BEND2: variants seen among roughly 807,000 people sequenced by gnomAD.
The protein encoded by BEND2 is BEN domain containing 2.
BEND2 carries 19 observed loss-of-function variants against 43.8 expected under a neutral mutation model. The ratio of observed to expected loss-of-function variants is 0.43; its 90% CI spans 0.30 to 0.64. BEND2 has a LOEUF of 0.64. Among genes scored for constraint, BEND2 ranks in the 30% least tolerant of loss-of-function variants. The pLI is 0.11. For synonymous variants in BEND2, 226 were observed against 210.1 expected (o/e 1.08, Z -0.66); for missense variants, 544 against 574.0 (o/e 0.95, Z 0.53).
At chrX:18,166,534 A>C (rs2147385616) in intron 13 of BEND2, among the ~76,000 whole-genome samples, 1 of 111,342 alleles carries the variant, frequency 9.0e-6, no homozygotes, top group Non-Finnish European at 1.9e-5. Flanking sequence ...CGCATAAATG[A>C]GGGAGGTGGC....
At chrX:18,171,596 G>A (rs1445814323) in intron 12 of BEND2, among the ~76,000 whole-genome samples, 1 of 111,218 alleles carries the variant, frequency 9.0e-6, no homozygotes, top group Non-Finnish European at 1.9e-5. Context: ...CTCCTGCCTC[G>A]GCCTCCCAAA....
intron 1 of BEND2, among the ~76,000 whole-genome samples, chrX:18,217,861 G>T: frequency 9.1e-6 from 1 of 110,388 alleles, no homozygotes; most frequent in East Asian, 2.8e-4. Flanking sequence ...GGGGCAGATC[G>T]CTTGAGCTCA....
intron 13 of BEND2, among the ~76,000 whole-genome samples, chrX:18,166,045 C>T (rs1026924029): frequency 8.9e-6 from 1 of 112,217 alleles, no homozygotes; most frequent in Non-Finnish European, 1.9e-5. Context: ...GGTTAAAAGG[C>T]TTCCGTACCC....
chrX:18,191,561 A>C (rs1322858343), intron 7 of BEND2, among the ~76,000 whole-genome samples: 1 of 112,377 alleles, frequency 8.9e-6, no homozygotes, highest in Non-Finnish European at 1.9e-5. Context: ...CACAAAGCCT[A>C]TATGGTATAT....
intron 4 of BEND2, among the ~76,000 whole-genome samples, chrX:18,211,742 C>T (rs1925509011): frequency 9.2e-6 from 1 of 109,149 alleles, no homozygotes; most frequent in Admixed American, 9.8e-5. Flanking sequence ...GAGATCGTGC[C>T]ATTGCACTCC....
chrX:18,193,404 T>A (rs1367141319), intron 7 of BEND2, among the ~76,000 whole-genome samples: 1 of 111,357 alleles, frequency 9.0e-6, no homozygotes, highest in African/African-American at 3.3e-5. Context: ...GAAATGTGTA[T>A]CTTGGTCATG....
rs1267058931 is a variant in BEND2 at position 18,180,368 on chromosome X, T to C, written c.1429+142A>G. The C allele has an allele frequency of 7.6e-6, 7 of 926,910 alleles. No individual in the cohort carries two copies. In the African/African-American group the frequency reaches 1.4e-4, roughly 18 times the overall value. The allele number at this position is 926,910 out of a possible 1,213,427, so 76.4% of individuals were successfully genotyped here. On this transcript the variant is annotated intron_variant, in intron 9 of 13. Coordinates refer to ENST00000380033, the MANE Select transcript of BEND2 (RefSeq NM_153346.5). ...TGCCTTGCACGTAATATGCACTCAA[T>C]AAATGTTAGTCATGGTTCTGAATAT... is the stretch of plus-strand genomic sequence containing the variant.
In BEND2 at chrX:18,201,427, A is replaced by C. The variant is rs200221492; in HGVS notation, c.1033+388T>G. On this transcript the variant is annotated intron_variant, in intron 6 of 13. Coordinates refer to ENST00000380033, the MANE Select transcript of BEND2 (RefSeq NM_153346.5). ...AAAAAAAAAAAAAAAACAAAAAAAA[A>C]AAAACTGGTGGATCAAGGTTAAATA... Among the ~76,000 whole-genome samples, 365 of 86,306 alleles carry C rather than the reference A, an allele frequency of 4.2e-3. 8 individuals are homozygous for C. Among genetic ancestry groups the C allele is most frequent in the African/African-American group, 0.011 (265 of 23,189 alleles). The allele number at this position is 86,306 out of a possible 115,157, so 74.9% of individuals were successfully genotyped here.
intron 6 of BEND2, among the ~76,000 whole-genome samples, chrX:18,196,091 G>A (rs1392933741): frequency 9.0e-6 from 1 of 111,001 alleles, no homozygotes; most frequent in African/African-American, 3.3e-5. Context: ...CTGAGGTCAG[G>A]AGTTCAAGAC....
intron 4 of BEND2, among the ~76,000 whole-genome samples, chrX:18,207,437 T>C (rs1385685916): frequency 1.8e-5 from 2 of 111,115 alleles, no homozygotes; most frequent in Non-Finnish European, 3.8e-5. Flanking sequence ...TTTGTTTCCA[T>C]TGAGACATCT....
intron 13 of BEND2, among the ~76,000 whole-genome samples, chrX:18,166,973 C>T (rs957795433): frequency 3.0e-4 from 33 of 110,816 alleles, no homozygotes; most frequent in African/African-American, 9.9e-4. Context: ...CTTTCCTAGC[C>T]GTTTGACTTT....
intron 4 of BEND2, among the ~76,000 whole-genome samples, chrX:18,207,864 CA>C (rs1836568802): frequency 9.0e-6 from 1 of 110,973 alleles, no homozygotes. Flanking sequence ...ACTAAAAATA[CA>C]AAAAGTAGCC....
At chrX:18,165,465 C>A (rs187393749) in intron 13 of BEND2, among the ~76,000 whole-genome samples, 1 of 112,013 alleles carries the variant, frequency 8.9e-6, no homozygotes, top group African/African-American at 3.2e-5. Context: ...GACCTTGCCA[C>A]ATACCAGAAT....
At chrX:18,175,902 A>C in intron 11 of BEND2, 70 bp downstream of exon 11, 3 of 974,541 alleles carry the variant, frequency 3.1e-6, no homozygotes, top group Non-Finnish European at 4.1e-6. Context: ...GCCTCATGCT[A>C]TCAGTTCTGA....
At chrX:18,201,338 G>A (rs1925137513) in intron 6 of BEND2, among the ~76,000 whole-genome samples, 1 of 83,895 alleles carries the variant, frequency 1.2e-5, no homozygotes. Flanking sequence ...GGAGGTTGCA[G>A]TGAGCCGAGA....
chrX:18,165,132 A>G lies in BEND2; in HGVS notation c.2277T>C (p.Arg759=), dbSNP rs781396685. The G allele has an allele frequency of 1.7e-6, 2 of 1,210,288 alleles. No homozygotes were observed. Among genetic ancestry groups the G allele is most frequent in the Non-Finnish European group, 2.2e-6 (2 of 895,120 alleles). Residue 759 remains arginine, a synonymous_variant, in exon 14 of 14, where the codon CGT becomes CGC. Transcript: ENST00000380033. The part of the protein sequence containing the change: ...SCVTSINSGI[R]SLRHDVRRAE... Reference sequence around the variant, plus strand: ...CCCTTCTGACGTCATGTCTAAGGCTACGGATACCGCTGTTGATGGAGGTCA... The same window carrying G: ...CCCTTCTGACGTCATGTCTAAGGCTGCGGATACCGCTGTTGATGGAGGTCA...
chrX:18,217,995 A>G (rs981866425), intron 1 of BEND2, among the ~76,000 whole-genome samples: 3 of 109,288 alleles, frequency 2.7e-5, no homozygotes, highest in African/African-American at 1.0e-4. Flanking sequence ...AGTCCCAGCT[A>G]CTTGGGAGGC....
chrX:18,185,123 G>GA (rs1259773536), intron 8 of BEND2, among the ~76,000 whole-genome samples: 2 of 109,601 alleles, frequency 1.8e-5, no homozygotes, highest in African/African-American at 6.6e-5. Context: ...AAAGACAAAA[G>GA]AAAAAAGAAT....
At chrX:18,213,473 T>A (rs968897934) in intron 3 of BEND2, among the ~76,000 whole-genome samples, 2 of 111,966 alleles carry the variant, frequency 1.8e-5, no homozygotes, top group African/African-American at 6.5e-5. Context: ...GTTTCATCTC[T>A]TTCCTGTTTC....
Sources: gnomAD v4.1 joint callset for allele counts (sites outside exome capture counted in the v4.1 genomes callset) on GRCh38, gnomAD v4.1.1 for gene constraint, MANE v1.5 for transcripts, NCBI Gene and HGNC (gene_info 2026-07-23, HGNC 2026-07-21) for gene names.